The following TOPAZ1 variants were observed in gnomAD, a reference collection of about 807,000 sequenced individuals.
TOPAZ1 encodes protein TOPAZ1.
Under a neutral mutation model 172.2 loss-of-function variants are expected in TOPAZ1, and 66 were observed. That is an observed-to-expected ratio of 0.38 (90% CI 0.31 to 0.47). The LOEUF is 0.47. Ranked by LOEUF, TOPAZ1 falls within the 20% of genes least tolerant of loss-of-function variation. The probability of loss-of-function intolerance (pLI) is 0.99; values close to 1 mark genes in which losing one functional copy is unlikely to be tolerated. For missense variants in TOPAZ1, 1,822 were observed against 1,972.4 expected, an observed-to-expected ratio of 0.92 and a Z score of 1.44; for synonymous variants, 681 against 683.9, an observed-to-expected ratio of 1.00 and a Z score of 0.07.
At chr3:44,267,667 C>G (rs1699847412) in intron 6 of TOPAZ1, among the ~76,000 whole-genome samples, 2 of 152,084 alleles carry the variant, frequency 1.3e-5, no homozygotes. Flanking sequence ...GAGTAAATTA[C>G]AGGTTATATC....
At chr3:44,282,620 G>A (rs1356629481) in intron 9 of TOPAZ1, among the ~76,000 whole-genome samples, 1 of 152,028 alleles carries the variant, frequency 6.6e-6, no homozygotes, top group Non-Finnish European at 1.5e-5. Context: ...CCCATTCTTT[G>A]CCACCTTCTC....
In TOPAZ1 at chr3:44,290,862, C is replaced by T; in HGVS notation, c.3773C>T (p.Thr1258Ile). The change falls in exon 12 of 20, where the codon ACT (threonine) becomes ATT (isoleucine). Residue 1258 changes from threonine to isoleucine, a missense_variant. By Grantham distance (89) the Thr-to-Ile change is moderately conservative. Transcript: ENST00000309765. ...YQVQASKQEI[T>I]AVLEMKSRLQ... is the part of the protein sequence containing the mutation. The stretch of plus-strand genomic sequence containing the variant: ...GTACAAGCTTCCAAACAAGAAATAA[C>T]TGCAGTTCTGGAAATGAAATCGAGG... 6.5e-7 allele frequency: 1 copy of T among 1,547,320 alleles called. No individual in the cohort carries two copies.
intron 12 of TOPAZ1, among the ~76,000 whole-genome samples, chr3:44,303,220 A>G (rs1466605945): frequency 6.6e-6 from 1 of 152,086 alleles, no homozygotes; most frequent in East Asian, 1.9e-4. Context: ...ATGTGACAGT[A>G]TGTTCTTCCT....
At chr3:44,266,179 T>C (rs968418651) in intron 5 of TOPAZ1, among the ~76,000 whole-genome samples, 5 of 152,214 alleles carry the variant, frequency 3.3e-5, no homozygotes, top group African/African-American at 1.2e-4. Flanking sequence ...CCTCACAGAA[T>C]TGAAGAGAGT....
intron 5 of TOPAZ1, 39 bp downstream of exon 5, chr3:44,262,522 TCA>T: frequency 1.9e-6 from 2 of 1,056,982 alleles, no homozygotes; most frequent in Non-Finnish European, 2.8e-6. Context: ...CTTAAAATAG[TCA>T]CTCATCTAAT....
intron 18 of TOPAZ1, among the ~76,000 whole-genome samples, chr3:44,326,482 CT>C (rs1054219600): frequency 5.6e-4 from 84 of 150,888 alleles, no homozygotes; most frequent in South Asian, 2.7e-3. Flanking sequence ...ATCTTTTGCC[CT>C]TTTTTTTTGA....
chr3:44,278,974 A>G (rs1012848928), intron 8 of TOPAZ1, among the ~76,000 whole-genome samples: 1 of 152,104 alleles, frequency 6.6e-6, no homozygotes, highest in Non-Finnish European at 1.5e-5. Context: ...ATTTAATGCT[A>G]TAAACTTCCC....
At chr3:44,255,056 C>G (rs754309839) in intron 3 of TOPAZ1, 27 bp downstream of exon 3, 6 of 1,515,326 alleles carry the variant, frequency 4.0e-6, no homozygotes, top group Non-Finnish European at 5.4e-6. Context: ...TCAGAATATG[C>G]AATATTGAAG....
intron 2 of TOPAZ1, among the ~76,000 whole-genome samples, chr3:44,251,369 A>G (rs931301745): frequency 6.6e-6 from 1 of 152,170 alleles, no homozygotes; most frequent in African/African-American, 2.4e-5. Context: ...CAATCCTCCC[A>G]CATCAGCCTC....
chr3:44,247,378 G>GT (rs1699578328), intron 2 of TOPAZ1, among the ~76,000 whole-genome samples: 2 of 152,140 alleles, frequency 1.3e-5, no homozygotes. Flanking sequence ...TTGTCTAAAA[G>GT]TTTGAGTTTT....
chr3:44,268,729 A>C (rs946722097), intron 6 of TOPAZ1, among the ~76,000 whole-genome samples: 39 of 151,854 alleles, frequency 2.6e-4, no homozygotes, highest in African/African-American at 9.2e-4. Flanking sequence ...TCAGGACCCC[A>C]CCTCTTTGAC....
At chr3:44,259,962 C>G (rs1208919534) in intron 4 of TOPAZ1, among the ~76,000 whole-genome samples, 1 of 152,138 alleles carries the variant, frequency 6.6e-6, no homozygotes, top group East Asian at 1.9e-4. Flanking sequence ...AAGGGAGAGA[C>G]CAGGTAGAGG....
intron 11 of TOPAZ1, 23 bp from the exon 12 acceptor site, chr3:44,290,748 A>G (rs368576777): frequency 2.1e-6 from 3 of 1,450,598 alleles, no homozygotes; most frequent in Non-Finnish European, 9.4e-7. Context: ...AAGAATAACC[A>G]CTCTTTCTTT....
chr3:44,241,961 C>T lies in TOPAZ1; in HGVS notation c.-93C>T, dbSNP rs924393528. 4.1e-6 allele frequency: 5 copies of T among 1,210,318 alleles called. No homozygotes were observed. The highest frequency in any genetic ancestry group is 1.4e-5 in the South Asian group (1 of 72,462). 75.0% of individuals were successfully genotyped at this position (1,210,318 alleles called of 1,614,324 possible). A position where few individuals can be genotyped will look rare whatever the true frequency, so the allele number is the denominator to read the frequency against. ...TGGCGGTGTGGGGTGGGTCAGAGGG[C>T]AGTAGGTACCTCCAGGCGGGAGCAG... is the stretch of plus-strand genomic sequence containing the variant. On this transcript the variant is annotated 5_prime_UTR_variant, in exon 1 of 20. Transcript: ENST00000309765.
downstream of TOPAZ1, among the ~76,000 whole-genome samples, chr3:44,335,032 C>CA (rs1334670353): frequency 1.3e-5 from 2 of 152,020 alleles, no homozygotes; most frequent in African/African-American, 4.8e-5. Context: ...ACAACTCCAA[C>CA]AATAAGTCCT....
chr3:44,277,603 C>G (rs943840487), intron 8 of TOPAZ1, among the ~76,000 whole-genome samples: 1 of 152,086 alleles, frequency 6.6e-6, no homozygotes, highest in African/African-American at 2.4e-5. Flanking sequence ...CCTTATATGG[C>G]TGATAGAGTT....
intron 1 of TOPAZ1, among the ~76,000 whole-genome samples, 154 bp downstream of exon 1, chr3:44,242,553 G>A (rs1181458799): frequency 2.0e-5 from 3 of 152,196 alleles, no homozygotes; most frequent in Non-Finnish European, 2.9e-5. Context: ...CTTAAAAGGG[G>A]TGTTCCCTGT....
chr3:44,270,641 T>A, intron 7 of TOPAZ1, 44 bp from the exon 8 acceptor site: 1 of 1,458,844 alleles, frequency 6.9e-7, no homozygotes, highest in Non-Finnish European at 9.1e-7. Flanking sequence ...CTATAGTAAG[T>A]GCTTTACAGT....
intron 12 of TOPAZ1, among the ~76,000 whole-genome samples, chr3:44,300,121 T>C (rs1195340877): frequency 6.7e-6 from 1 of 150,056 alleles, no homozygotes; most frequent in Non-Finnish European, 1.5e-5. Flanking sequence ...AATAAATAAA[T>C]AAATAAAAAA....
Sources: gnomAD v4.1 joint callset for allele counts (sites outside exome capture counted in the v4.1 genomes callset) on GRCh38, gnomAD v4.1.1 for gene constraint, MANE v1.5 for transcripts, NCBI Gene and HGNC (gene_info 2026-07-23, HGNC 2026-07-21) for gene names.